Variants in BIRC6 observed in about 807,000 individuals in gnomAD.
BIRC6 encodes the protein dual E2 ubiquitin-conjugating enzyme/E3 ubiquitin-protein ligase BIRC6.
BIRC6 carries 98 observed loss-of-function variants against 503.3 expected under a neutral mutation model. That is an observed-to-expected ratio of 0.19 (90% confidence interval 0.17 to 0.23). BIRC6 has a LOEUF of 0.23. Ranked by LOEUF, BIRC6 falls within the 10% of genes least tolerant of loss-of-function variation. The pLI is 1.00. For missense variants in BIRC6, 5,360 were observed against 5,806.0 expected, an observed-to-expected ratio of 0.92 and a Z score of 2.50; for synonymous variants, 2,240 against 2,078.7, an observed-to-expected ratio of 1.08 and a Z score of -2.11.
chr2:32,521,495 G>A (rs980473373), intron 57 of BIRC6, among the ~76,000 whole-genome samples: 8 of 150,520 alleles, frequency 5.3e-5, no homozygotes, highest in African/African-American at 1.2e-4. Flanking sequence ...GTTTTGAGAC[G>A]GAGTCTCACT....
intron 51 of BIRC6, among the ~76,000 whole-genome samples, chr2:32,509,505 G>A (rs1198853582): frequency 1.3e-5 from 2 of 151,936 alleles, no homozygotes; most frequent in African/African-American, 2.4e-5. Context: ...CACCTGCCTC[G>A]GCCTCCCAAA....
At chr2:32,547,792 A>G in intron 63 of BIRC6, 58 bp from the exon 64 acceptor site, 1 of 1,363,742 alleles carries the variant, frequency 7.3e-7, no homozygotes. Context: ...AGTGATAAAT[A>G]TTTTTGAAGA....
At chr2:32,400,352 T>G (rs1028873868) in intron 6 of BIRC6, among the ~76,000 whole-genome samples, 2 of 148,790 alleles carry the variant, frequency 1.3e-5, no homozygotes, top group African/African-American at 5.0e-5. Flanking sequence ...TTTTTTTTTT[T>G]TTTTGAGGTG....
At chr2:32,404,928 C>T (rs1222331240) in intron 8 of BIRC6, among the ~76,000 whole-genome samples, 1 of 152,152 alleles carries the variant, frequency 6.6e-6, no homozygotes, top group African/African-American at 2.4e-5. Flanking sequence ...TCCCAAAGTG[C>T]TGGGATTACA....
chr2:32,467,029 G>A (rs2048617840), intron 26 of BIRC6, among the ~76,000 whole-genome samples: 2 of 150,898 alleles, frequency 1.3e-5, no homozygotes, highest in African/African-American at 4.9e-5. Context: ...TGAGGCAGGA[G>A]AAAGGCGTGA....
intron 45 of BIRC6, among the ~76,000 whole-genome samples, chr2:32,497,243 C>G (rs72855959): frequency 0.011 from 1,659 of 152,274 alleles, 36 homozygotes; most frequent in African/African-American, 0.037. Context: ...CTCCTGAGTT[C>G]AAGCAGGCTT....
chr2:32,404,343 A>T (rs1227299020), intron 8 of BIRC6, among the ~76,000 whole-genome samples: 1 of 151,060 alleles, frequency 6.6e-6, no homozygotes, highest in African/African-American at 2.4e-5. Context: ...TTTTTGAGAG[A>T]GTCTTGCTCT....
At chr2:32,389,469 CA>C (rs1205462955) in intron 4 of BIRC6, among the ~76,000 whole-genome samples, 18 of 151,466 alleles carry the variant, frequency 1.2e-4, no homozygotes, top group Non-Finnish European at 1.9e-4. Flanking sequence ...AACAGTATTA[CA>C]AAAATCATAC....
intron 39 of BIRC6, among the ~76,000 whole-genome samples, chr2:32,484,589 C>T (rs2050791912): frequency 6.6e-6 from 1 of 151,150 alleles, no homozygotes; most frequent in South Asian, 2.1e-4. Context: ...GAAAAAATTA[C>T]TGTAATAGTT....
chr2:32,557,306 A>C (rs372229507), intron 65 of BIRC6: 2 of 152,202 alleles, frequency 1.3e-5, no homozygotes, highest in East Asian at 3.8e-4. Flanking sequence ...TCAGTAGATT[A>C]CTAGAGGCTT....
chr2:32,390,296 G>T (rs554776611), intron 4 of BIRC6, among the ~76,000 whole-genome samples: 1 of 152,052 alleles, frequency 6.6e-6, no homozygotes, highest in African/African-American at 2.4e-5. Context: ...TCAGCCTCCC[G>T]AGTAGCTGTG....
Position 32,477,417 on chromosome 2 carries a change from C to G in BIRC6, c.6902C>G (p.Ser2301Cys), listed in dbSNP as rs776483636. 1 of 1,613,824 alleles carries G rather than the reference C, an allele frequency of 6.2e-7. No homozygotes were observed. Among genetic ancestry groups the G allele is most frequent in the Non-Finnish European group, 8.5e-7 (1 of 1,179,890 alleles). The change falls in exon 35 of 74, where the codon TCT becomes TGT. Residue 2301 changes from serine to cysteine, a missense_variant. Ser to Cys is a moderately radical substitution (Grantham distance 112). Transcript: ENST00000421745. ...RLRRTAEWSR[S>C]NLDTEVTTAK... Reference sequence around the variant, plus strand: ...CGTCGGACAGCAGAATGGTCCCGTTCTAATTTAGACACAGAAGTTACAACA... The same window carrying G: ...CGTCGGACAGCAGAATGGTCCCGTTGTAATTTAGACACAGAAGTTACAACA...
intron 63 of BIRC6, among the ~76,000 whole-genome samples, chr2:32,547,109 A>G (rs534113153): frequency 6.6e-6 from 1 of 152,358 alleles, no homozygotes; most frequent in South Asian, 2.1e-4. Flanking sequence ...GAGGAAGTTT[A>G]CAAGCCAATT....
intron 1 of BIRC6, among the ~76,000 whole-genome samples, chr2:32,368,033 T>A (rs2149209036): frequency 6.6e-6 from 1 of 152,280 alleles, no homozygotes; most frequent in South Asian, 2.1e-4. Flanking sequence ...ATTTATGAAG[T>A]AGGAGAGACA....
At chr2:32,462,257 A>G (rs1459336164) in intron 23 of BIRC6, among the ~76,000 whole-genome samples, 1 of 152,208 alleles carries the variant, frequency 6.6e-6, no homozygotes, top group Non-Finnish European at 1.5e-5. Flanking sequence ...CTTGGCAACT[A>G]CCTTTTGTTT....
At chr2:32,596,367 C>G (rs2061673923) in intron 68 of BIRC6, among the ~76,000 whole-genome samples, 1 of 150,818 alleles carries the variant, frequency 6.6e-6, no homozygotes, top group African/African-American at 2.4e-5. Context: ...GTAACCCCAG[C>G]TACTCAGGAA....
intron 11 of BIRC6, 81 bp downstream of exon 11, chr2:32,429,376 C>A: frequency 9.3e-7 from 1 of 1,075,032 alleles, no homozygotes; most frequent in Non-Finnish European, 1.3e-6. Context: ...AAGATGTAAA[C>A]ATATTAAAGT....
intron 57 of BIRC6, chr2:32,519,332 T>C (rs2055389045): frequency 5.2e-6 from 1 of 190,856 alleles, no homozygotes; most frequent in South Asian, 1.1e-4. Flanking sequence ...GATCAAGACA[T>C]AAATGGAGTA....
chr2:32,490,198 T>C, intron 43 of BIRC6, 47 bp downstream of exon 43: 1 of 1,426,220 alleles, frequency 7.0e-7, no homozygotes. Context: ...TATACTTTAG[T>C]GTTCTACTAT....
Sources: allele counts gnomAD v4.1 joint callset (sites outside exome capture counted in the v4.1 genomes callset), GRCh38; gene constraint gnomAD v4.1.1; transcripts MANE v1.5; gene names NCBI Gene and HGNC (gene_info 2026-07-23, HGNC 2026-07-21).